The following MKLN1 variants were observed in gnomAD, a reference collection of about 807,000 sequenced individuals.
MKLN1 encodes the protein muskelin.
In MKLN1, 18 loss-of-function variants were observed where a neutral mutation model predicts 99.0. The ratio of observed to expected loss-of-function variants is 0.18; its 90% confidence interval spans 0.13 to 0.27. The LOEUF is 0.27. Ranked by LOEUF, MKLN1 falls within the 10% of genes least tolerant of loss-of-function variation. The pLI is 1.00. For missense variants in MKLN1, 621 were observed against 875.9 expected, an observed-to-expected ratio of 0.71 and a Z score of 3.67; for synonymous variants, 288 against 293.2, an observed-to-expected ratio of 0.98 and a Z score of 0.18.
At chr7:131,462,691 TCTTTC>T (rs1310123366) in intron 12 of MKLN1, among the ~76,000 whole-genome samples, 1 of 152,248 alleles carries the variant, frequency 6.6e-6, no homozygotes, top group Non-Finnish European at 1.5e-5. Context: ...CAAAACAGCC[TCTTTC>T]CTTGTGGAGC....
chr7:131,471,862 T>C (rs909924579), intron 16 of MKLN1: 1 of 152,200 alleles, frequency 6.6e-6, no homozygotes, highest in Non-Finnish European at 1.5e-5. Context: ...CCAGGTTCAT[T>C]GTACTTTCAA....
chr7:131,368,390 T>C (rs1366116187), intron 1 of MKLN1, among the ~76,000 whole-genome samples: 1 of 152,198 alleles, frequency 6.6e-6, no homozygotes, highest in Admixed American at 6.5e-5. Flanking sequence ...CACACTGTTA[T>C]AAAGAACTAC....
At chr7:131,384,683 A>G (rs927104078) in intron 2 of MKLN1, among the ~76,000 whole-genome samples, 4 of 152,220 alleles carry the variant, frequency 2.6e-5, no homozygotes, top group Admixed American at 2.0e-4. Flanking sequence ...CTGTGTAACT[A>G]TATTTCTTCA....
intron 2 of MKLN1, among the ~76,000 whole-genome samples, chr7:131,200,149 C>T (rs1411674790): frequency 5.9e-5 from 9 of 152,202 alleles, no homozygotes; most frequent in Non-Finnish European, 1.3e-4. Context: ...GCTGGGACTA[C>T]AGGGCGTGCC....
intron 3 of MKLN1, among the ~76,000 whole-genome samples, chr7:131,270,121 A>G (rs943170156): frequency 1.3e-5 from 2 of 151,660 alleles, no homozygotes; most frequent in African/African-American, 4.9e-5. Context: ...ACAGGGTATC[A>G]CCATGTTAGC....
At chr7:131,287,712 G>T (rs537608622) in intron 3 of MKLN1, among the ~76,000 whole-genome samples, 2 of 152,200 alleles carry the variant, frequency 1.3e-5, no homozygotes, top group East Asian at 3.9e-4. Context: ...ATATGGTTAG[G>T]CTTTGTGTCC....
intron 9 of MKLN1, among the ~76,000 whole-genome samples, chr7:131,432,540 C>T (rs1005000955): frequency 1.3e-4 from 20 of 152,088 alleles, no homozygotes; most frequent in South Asian, 2.1e-4. Context: ...CTCCGCCTCC[C>T]GGGTTCAAGC....
chr7:131,240,633 G>T, intron 3 of MKLN1, among the ~76,000 whole-genome samples: 1 of 152,196 alleles, frequency 6.6e-6, no homozygotes, highest in Middle Eastern at 3.4e-3. Flanking sequence ...TCATTCATAC[G>T]CTATAACCTG....
At chr7:131,121,491 A>C (rs1461216599) in intron 1 of MKLN1, among the ~76,000 whole-genome samples, 1 of 151,920 alleles carries the variant, frequency 6.6e-6, no homozygotes, top group Non-Finnish European at 1.5e-5. Flanking sequence ...ACAAAAAATT[A>C]GCTGGGTGTG....
In MKLN1 at chr7:131,464,307, A is replaced by G; in HGVS notation, c.1687A>G (p.Lys563Glu). ...IVRNSWSCVYKNDQAAKDNPT... is the reference protein window; with the variant it reads ...IVRNSWSCVYENDQAAKDNPT... ...AATGTCTTGCAGGTCTTGTGTCTAT[A>G]AGAATGATCAAGCTGCAAAGGATAA... The change falls in exon 14 of 18, where the codon AAG becomes GAG. Residue 563 changes from lysine to glutamate, a missense_variant. Physicochemically the swap from Lys to Glu is moderately conservative, Grantham distance 56 (BLOSUM62 1). Around this residue, in one of 8 missense-constraint regions of MKLN1, gnomAD observed 30 missense variants for 29.3 expected, o/e 1.02. Coordinates refer to ENST00000352689, the MANE Select transcript of MKLN1 (RefSeq NM_013255.5). 1 of 1,609,704 alleles carries G rather than the reference A, an allele frequency of 6.2e-7. No homozygotes were observed. Among genetic ancestry groups the G allele is most frequent in the Non-Finnish European group, 8.5e-7 (1 of 1,176,284 alleles).
intron 2 of MKLN1, among the ~76,000 whole-genome samples, chr7:131,159,147 C>T (rs1299701519): frequency 2.0e-5 from 3 of 151,982 alleles, no homozygotes; most frequent in Non-Finnish European, 2.9e-5. Flanking sequence ...AAGCCGAGAT[C>T]GTGCCACTGC....
At chr7:131,241,445 G>T (rs969159861) in intron 3 of MKLN1, among the ~76,000 whole-genome samples, 1 of 150,614 alleles carries the variant, frequency 6.6e-6, no homozygotes. Context: ...GGTGGCTCAC[G>T]CCTGTAATTC....
chr7:131,346,843 A>G (rs1367445682), intron 1 of MKLN1, among the ~76,000 whole-genome samples: 1 of 152,270 alleles, frequency 6.6e-6, no homozygotes, highest in East Asian at 1.9e-4. Flanking sequence ...ATAATTACAT[A>G]TACACATATA....
At chr7:131,284,525 A>G (rs1798104680) in intron 3 of MKLN1, among the ~76,000 whole-genome samples, 1 of 152,158 alleles carries the variant, frequency 6.6e-6, no homozygotes, top group Non-Finnish European at 1.5e-5. Context: ...TAGATGTTTG[A>G]GGAAAGGGTG....
intron 16 of MKLN1, among the ~76,000 whole-genome samples, chr7:131,478,110 A>G (rs1352101425): frequency 1.3e-5 from 2 of 152,358 alleles, no homozygotes; most frequent in Middle Eastern, 3.4e-3. Context: ...ATAATTATAT[A>G]TAATTGTGGA....
chr7:131,127,307 A>C (rs1009369738), intron 1 of MKLN1, among the ~76,000 whole-genome samples: 10 of 152,232 alleles, frequency 6.6e-5, no homozygotes, highest in Non-Finnish European at 1.3e-4. Context: ...GACCACTAAC[A>C]GGTGGGAAAG....
intron 2 of MKLN1, among the ~76,000 whole-genome samples, chr7:131,177,114 G>A (rs1796309956): frequency 1.3e-5 from 2 of 152,086 alleles, no homozygotes; most frequent in Non-Finnish European, 2.9e-5. Context: ...TCTTTCTTTT[G>A]TACCCTACAC....
At chr7:131,268,984 C>G (rs1224175968) in intron 3 of MKLN1, among the ~76,000 whole-genome samples, 1 of 152,188 alleles carries the variant, frequency 6.6e-6, no homozygotes, top group African/African-American at 2.4e-5. Context: ...ACACATAGGA[C>G]TTTCCAGAGT....
intron 3 of MKLN1, among the ~76,000 whole-genome samples, chr7:131,205,117 A>G (rs568187855): frequency 6.6e-6 from 1 of 151,990 alleles, no homozygotes; most frequent in South Asian, 2.1e-4. Flanking sequence ...AAAGAAAAAG[A>G]AAAAGCTGCA....
Sources: allele counts gnomAD v4.1 joint callset (sites outside exome capture counted in the v4.1 genomes callset), GRCh38; gene constraint gnomAD v4.1.1; regional missense constraint gnomAD v4.1.1; transcripts MANE v1.5; gene names NCBI Gene and HGNC (gene_info 2026-07-23, HGNC 2026-07-21).